DOK5: variants seen among roughly 807,000 people sequenced by gnomAD.
DOK5 encodes the protein docking protein 5, also known as downstream of tyrosine kinase 5.
DOK5 carries 27 observed loss-of-function variants against 43.3 expected under a neutral mutation model. The observed-to-expected ratio is 0.62, with a 90% CI of 0.46 to 0.86. DOK5 has a LOEUF of 0.86. Among genes scored for constraint, DOK5 ranks in the 40% least tolerant of loss-of-function variants. DOK5 has a pLI of 0.00. For synonymous variants in DOK5, 146 were observed against 140.1 expected, an observed-to-expected ratio of 1.04 and a Z score of -0.30; for missense variants, 373 against 392.9, an observed-to-expected ratio of 0.95 and a Z score of 0.43.
chr20:54,647,926 G>C lies in DOK5; in HGVS notation c.857-2489G>C, dbSNP rs77986869. Among the ~76,000 whole-genome samples the C allele has an allele frequency of 2.9e-3, 447 of 152,222 alleles. 1 individual carries two copies. The highest frequency in any genetic ancestry group is 0.01 in the African/African-American group (433 of 41,538). ...CCACCAGTGCAGTGCTGAAATCTCAGATTTCATCATTACGAGGGAGACAAG... is the reference window on the plus strand; with the variant it reads ...CCACCAGTGCAGTGCTGAAATCTCACATTTCATCATTACGAGGGAGACAAG... On this transcript the variant is annotated intron_variant, in intron 7 of 7. Coordinates refer to ENST00000262593, the MANE Select transcript of DOK5 (RefSeq NM_018431.5).
intron 2 of DOK5, among the ~76,000 whole-genome samples, chr20:54,565,031 G>C (rs922375864): frequency 6.6e-6 from 1 of 151,968 alleles, no homozygotes. Flanking sequence ...TTCCTTCAGG[G>C]ATTAGCTCAA....
At chr20:54,595,108 A>G (rs960228045) in intron 5 of DOK5, among the ~76,000 whole-genome samples, 14 of 152,200 alleles carry the variant, frequency 9.2e-5, no homozygotes, top group Admixed American at 3.3e-4. Flanking sequence ...TTGGGAGGCC[A>G]AGGCGGGCAG....
At chr20:54,625,596 G>C (rs1349763123) in intron 6 of DOK5, among the ~76,000 whole-genome samples, 1 of 152,188 alleles carries the variant, frequency 6.6e-6, no homozygotes, top group African/African-American at 2.4e-5. Context: ...ATCTTTACCA[G>C]CTCAGGGTCC....
At chr20:54,580,709 C>T (rs1373044426) in intron 2 of DOK5, among the ~76,000 whole-genome samples, 1 of 151,992 alleles carries the variant, frequency 6.6e-6, no homozygotes, top group Non-Finnish European at 1.5e-5. Context: ...TTAAAATTGG[C>T]TTATTTATTT....
chr20:54,641,565 TCATCATCATCATCATCTC>T (rs1311876082), intron 6 of DOK5, among the ~76,000 whole-genome samples: 5 of 120,938 alleles, frequency 4.1e-5, no homozygotes, highest in Non-Finnish European at 7.8e-5. Flanking sequence ...ATCATCATCA[TCATCATCATCATCATCTC>T]CATCTCCATT....
rs370013467 is a variant in DOK5, at chr20:54,614,343, G to A, written c.735+3820G>A. Among the ~76,000 whole-genome samples the A allele has an allele frequency of 1.5e-4, 23 of 152,314 alleles. No homozygotes were observed. In the East Asian group the frequency reaches 1.5e-3, roughly 10 times the overall value. On this transcript the variant is annotated intron_variant, in intron 6 of 7. Transcript: ENST00000262593. ...CAGTGGATGGATGGAGAGAGACAGAGGGAGGGGAATGCGAGAGAGAGTGAG... is the reference window on the plus strand; with the variant it reads ...CAGTGGATGGATGGAGAGAGACAGAAGGAGGGGAATGCGAGAGAGAGTGAG...
At chr20:54,583,843 G>A (rs1273513814) in intron 2 of DOK5, among the ~76,000 whole-genome samples, 1 of 151,906 alleles carries the variant, frequency 6.6e-6, no homozygotes, top group Non-Finnish European at 1.5e-5. Context: ...CTTTTGATAG[G>A]GCAGTTTAAG....
chr20:54,642,731 C>A (rs1342443868), intron 6 of DOK5, among the ~76,000 whole-genome samples: 2 of 151,702 alleles, frequency 1.3e-5, no homozygotes, highest in African/African-American at 4.8e-5. Context: ...TGAAAAAAAA[C>A]AAAAACAAAA....
intron 1 of DOK5, among the ~76,000 whole-genome samples, chr20:54,492,760 A>C (rs1438054655): frequency 6.7e-6 from 1 of 150,246 alleles, no homozygotes; most frequent in African/African-American, 2.5e-5. Context: ...CAACTTTTTA[A>C]AGGATGTTCT....
At chr20:54,481,172 A>ATCTCTCTC (rs200356769) in intron 1 of DOK5, among the ~76,000 whole-genome samples, 15 of 148,854 alleles carry the variant, frequency 1.0e-4, no homozygotes, top group African/African-American at 3.8e-4. Context: ...CTATCTATCT[A>ATCTCTCTC]TCTATCTATA....
rs1403026066 is a variant in DOK5, at chr20:54,640,461, C to T, written c.736-2997C>T. 2.6e-5 allele frequency among the ~76,000 whole-genome samples: 4 copies of T among 152,208 alleles called. No homozygotes were observed. In the East Asian group the frequency reaches 7.7e-4, roughly 29 times the overall value. ...CTACTGGATTCTCACCAAATGACTT[C>T]CTGCGTCTTTTCTCCCTGACACAAT... On this transcript the variant is annotated intron_variant, in intron 6 of 7. Transcript: ENST00000262593.
At chr20:54,649,236 T>C (rs1404952516) in intron 7 of DOK5, among the ~76,000 whole-genome samples, 1 of 151,984 alleles carries the variant, frequency 6.6e-6, no homozygotes, top group Non-Finnish European at 1.5e-5. Flanking sequence ...GGCTGGTGGA[T>C]GTAGGCGAGA....
intron 2 of DOK5, among the ~76,000 whole-genome samples, chr20:54,556,886 C>T (rs1984724739): frequency 6.6e-6 from 1 of 152,130 alleles, no homozygotes; most frequent in African/African-American, 2.4e-5. Context: ...CTTCACAATT[C>T]CATATGCCAA....
intron 2 of DOK5, among the ~76,000 whole-genome samples, chr20:54,573,260 G>A (rs1410161326): frequency 6.6e-6 from 1 of 152,200 alleles, no homozygotes; most frequent in African/African-American, 2.4e-5. Flanking sequence ...TAGAGGAAGT[G>A]TTTCCAGGCA....
chr20:54,627,310 CG>C (rs1978341304), intron 6 of DOK5, among the ~76,000 whole-genome samples: 1 of 152,154 alleles, frequency 6.6e-6, no homozygotes, highest in African/African-American at 2.4e-5. Flanking sequence ...TTTCTAAACT[CG>C]GGAGTAGGAT....
intron 1 of DOK5, among the ~76,000 whole-genome samples, chr20:54,480,670 G>C (rs554183260): frequency 6.6e-6 from 1 of 152,262 alleles, no homozygotes; most frequent in South Asian, 2.1e-4. Flanking sequence ...ACCCTCTCTT[G>C]GGGTCTGGAT....
chr20:54,539,135 CA>C (rs937443286), intron 1 of DOK5, among the ~76,000 whole-genome samples: 3 of 151,816 alleles, frequency 2.0e-5, no homozygotes, highest in African/African-American at 7.3e-5. Context: ...CTAAAAAATA[CA>C]AAAATTAGCC....
At chr20:54,557,025 G>A (rs1984729107) in intron 2 of DOK5, among the ~76,000 whole-genome samples, 1 of 152,176 alleles carries the variant, frequency 6.6e-6, no homozygotes. Flanking sequence ...ATCGGCAAAT[G>A]GTGTTGGCTG....
At chr20:54,602,548 C>T (rs1294416438) in intron 5 of DOK5, among the ~76,000 whole-genome samples, 3 of 152,188 alleles carry the variant, frequency 2.0e-5, no homozygotes, top group Admixed American at 2.0e-4. Flanking sequence ...AGAAACATTT[C>T]AGTTGGATGC....
Sources: gnomAD v4.1 joint callset for allele counts (sites outside exome capture counted in the v4.1 genomes callset) on GRCh38, gnomAD v4.1.1 for gene constraint, MANE v1.5 for transcripts, NCBI Gene and HGNC (gene_info 2026-07-23, HGNC 2026-07-21) for gene names.